Variants in SKI observed in about 807,000 individuals in gnomAD.
SKI encodes SKI proto-oncogene.
A neutral mutation model predicts 59.3 loss-of-function variants in SKI; 23 were observed. The ratio of observed to expected loss-of-function variants is 0.39; its 90% confidence interval spans 0.28 to 0.55. The LOEUF (loss-of-function observed/expected upper bound fraction) is 0.55, where lower values mean the gene tolerates loss of function less well. SKI is among the 20% of genes least tolerant of loss of function. The pLI is 0.67. For missense variants in SKI, 1,017 were observed against 1,038.9 expected, an observed-to-expected ratio of 0.98 and a Z score of 0.29; for synonymous variants, 673 against 488.6, an observed-to-expected ratio of 1.38 and a Z score of -4.98.
chr1:2,229,549 G>A lies in SKI; in HGVS notation c.783G>A (p.Val261=). ...TGTACCCGCCGCACAAGTTCGTGGT[G>A]CACTCGCACAAGGCCCTGGAGAACC... ...RLMYPPHKFV[V]HSHKALENRT... The change falls in exon 1 of 7, where the codon GTG becomes GTA. Residue 261 remains valine, a synonymous_variant. Coordinates refer to ENST00000378536, the MANE Select transcript of SKI (RefSeq NM_003036.4). This position sits in a 1 kb window ranked among gnomAD's most constrained non-coding sequence, Gnocchi z 6.3. The A allele has an allele frequency of 6.2e-7, 1 of 1,611,358 alleles. No individual in the cohort carries two copies. The highest frequency in any genetic ancestry group is 8.5e-7 in the Non-Finnish European group (1 of 1,179,940).
At chr1:2,297,361 C>T (rs183409241) in intron 1 of SKI, among the ~76,000 whole-genome samples, 4 of 152,358 alleles carry the variant, frequency 2.6e-5, no homozygotes, top group Admixed American at 6.5e-5. Context: ...CAGAGTGTTG[C>T]TGGGCCATGT....
Position 2,306,689 on chromosome 1 carries a change from A to T in SKI, c.2111A>T (p.Glu704Val). The T allele has an allele frequency of 6.5e-7, 1 of 1,544,084 alleles. No homozygotes were observed. The highest frequency in any genetic ancestry group is 8.7e-7 in the Non-Finnish European group (1 of 1,144,998). ...GAGCACCTGGAGAAGGTGGTGAAGG[A>T]GCTGCAGGAACAGCTGTGGCCGCGG... ...AREHLEKVVK[E>V]LQEQLWPRAR... The change falls in exon 7 of 7, where the codon GAG (glutamate) becomes GTG (valine). Residue 704 changes from glutamate to valine, a missense_variant. Transcript: ENST00000378536.
intron 1 of SKI, among the ~76,000 whole-genome samples, chr1:2,255,122 A>G (rs575498115): frequency 6.6e-6 from 1 of 152,164 alleles, no homozygotes; most frequent in African/African-American, 2.4e-5. Context: ...TGGCATACCA[A>G]AAGCTGAATG....
intron 1 of SKI, among the ~76,000 whole-genome samples, chr1:2,273,554 AC>A (rs1223711301): frequency 6.6e-6 from 1 of 151,980 alleles, no homozygotes; most frequent in Non-Finnish European, 1.5e-5. Context: ...GACACCCGTG[AC>A]CCTGCCTGGG....
At position 2,303,772 on chromosome 1, in the gene SKI, G is replaced by C; in HGVS notation, c.1212-68G>C. 6.3e-7 allele frequency: 1 copy of C among 1,581,888 alleles called. No individual in the cohort carries two copies. The highest frequency in any genetic ancestry group is 8.6e-7 in the Non-Finnish European group (1 of 1,161,942). Reference sequence around the variant, plus strand: ...TGTTTAACACCTTCAGAGGGGGTGTGCGCCAGGATGTGTCTGGGTGGTGCT... The same window carrying C: ...TGTTTAACACCTTCAGAGGGGGTGTCCGCCAGGATGTGTCTGGGTGGTGCT... On this transcript the variant is annotated intron_variant, in intron 3 of 6. Transcript: ENST00000378536. This position sits in a 1 kb window ranked among gnomAD's most constrained non-coding sequence, Gnocchi z 5.6.
intron 1 of SKI, among the ~76,000 whole-genome samples, chr1:2,285,379 G>C (rs993136047): frequency 6.6e-6 from 1 of 151,876 alleles, no homozygotes; most frequent in African/African-American, 2.4e-5. Flanking sequence ...GCTGAGCGTG[G>C]TGGCGGGTGC....
At chr1:2,237,030 G>T (rs1344160268) in intron 1 of SKI, among the ~76,000 whole-genome samples, 1 of 152,192 alleles carries the variant, frequency 6.6e-6, no homozygotes, top group Non-Finnish European at 1.5e-5. Context: ...CCCAAATCAG[G>T]GATCTTTCTC....
chr1:2,239,742 G>C (rs1192468308), intron 1 of SKI, among the ~76,000 whole-genome samples: 1 of 152,252 alleles, frequency 6.6e-6, no homozygotes, highest in Non-Finnish European at 1.5e-5. Flanking sequence ...CCTGGCCAAC[G>C]GGAGGCTTCT....
At chr1:2,280,424 C>G (rs1459569014) in intron 1 of SKI, among the ~76,000 whole-genome samples, 1 of 151,908 alleles carries the variant, frequency 6.6e-6, no homozygotes, top group East Asian at 1.9e-4. Context: ...GGGGGCTGCC[C>G]CTTCTACCCT....
chr1:2,251,339 T>C (rs974623825), intron 1 of SKI, among the ~76,000 whole-genome samples: 6 of 152,040 alleles, frequency 3.9e-5, no homozygotes, highest in Admixed American at 2.0e-4. Flanking sequence ...CCCAGGCTGG[T>C]CGTGAATTCC....
chr1:2,287,713 C>T (rs1363733556), intron 1 of SKI, among the ~76,000 whole-genome samples: 5 of 152,004 alleles, frequency 3.3e-5, no homozygotes, highest in Non-Finnish European at 5.9e-5. Flanking sequence ...CTGTGTGGGG[C>T]GTGGGGGTGG....
In SKI at chr1:2,303,731, C is replaced by G. The variant is rs1471587390; in HGVS notation, c.1212-109C>G. 13 of 1,410,916 alleles carry G rather than the reference C, an allele frequency of 9.2e-6. No individual in the cohort carries two copies. The highest frequency in any genetic ancestry group is 1.2e-5 in the Non-Finnish European group (12 of 1,025,198). The allele number at this position is 1,410,916 out of a possible 1,614,324, so 87.4% of individuals were successfully genotyped here. On this transcript the variant is annotated intron_variant, in intron 3 of 6. Transcript: ENST00000378536. The surrounding 1 kb of genome is among the most constrained non-coding windows in gnomAD (Gnocchi z 5.6). ...GTAAGCTTGACTTGAAGATTCGGAGCTGGGAAAGTCTTTCCTGTTTAACAC... is the reference window on the plus strand; with the variant it reads ...GTAAGCTTGACTTGAAGATTCGGAGGTGGGAAAGTCTTTCCTGTTTAACAC...
In SKI at chr1:2,306,143, A is replaced by G; in HGVS notation, c.1891A>G (p.Asn631Asp). 6.3e-7 allele frequency: 1 copy of G among 1,595,644 alleles called. No individual in the cohort carries two copies. The highest frequency in any genetic ancestry group is 2.3e-5 in the East Asian group (1 of 44,178). ...AENEKKMKEA[N>D]ESRLRLKREL... ...GAACGAGAAGAAGATGAAAGAGGCC[A>G]ACGAGTCACGGCTGCGCCTGAAGCG... is the stretch of plus-strand genomic sequence containing the variant. The change falls in exon 6 of 7, where the codon AAC (asparagine) becomes GAC (aspartate). Residue 631 changes from asparagine (N) to aspartate (D), a missense_variant. Transcript: ENST00000378536.
rs1438862097 is a variant in SKI at position 2,306,849 on chromosome 1, C to T, written c.*84C>T. 3.2e-6 allele frequency: 3 copies of T among 946,200 alleles called. No individual in the cohort carries two copies. The highest frequency in any genetic ancestry group is 4.3e-5 in the East Asian group (1 of 23,448). 58.6% of individuals were successfully genotyped at this position (946,200 alleles called of 1,614,324 possible). On this transcript the variant is annotated 3_prime_UTR_variant, in exon 7 of 7. Coordinates refer to ENST00000378536, the MANE Select transcript of SKI (RefSeq NM_003036.4). ...GCGGTGCAGCTCCGCCCGGCTCCGC[C>T]CCTGCAGCCCACACAGCACAACGTC...
intron 1 of SKI, among the ~76,000 whole-genome samples, chr1:2,257,625 C>T (rs1378601680): frequency 1.3e-5 from 2 of 152,252 alleles, no homozygotes; most frequent in Non-Finnish European, 2.9e-5. Flanking sequence ...AGCGATGTTG[C>T]TCTTCCGTCT....
intron 1 of SKI, among the ~76,000 whole-genome samples, chr1:2,246,691 TG>T (rs1384810890): frequency 6.6e-6 from 1 of 151,972 alleles, no homozygotes; most frequent in African/African-American, 2.4e-5. Flanking sequence ...AGGGCTTCTG[TG>T]TGATGAAGAG....
chr1:2,283,394 A>G (rs962821079), intron 1 of SKI, among the ~76,000 whole-genome samples: 3 of 152,116 alleles, frequency 2.0e-5, no homozygotes, highest in African/African-American at 4.8e-5. Context: ...CTCTGTGAAA[A>G]TGGGGGTGAG....
intron 1 of SKI, among the ~76,000 whole-genome samples, chr1:2,251,894 G>A (rs570790047): frequency 1.3e-5 from 2 of 152,320 alleles, no homozygotes; most frequent in South Asian, 2.1e-4. Context: ...TTGGCTCCGG[G>A]CACAGCGTGG....
chr1:2,288,410 CTG>C (rs1426772040), intron 1 of SKI, among the ~76,000 whole-genome samples: 1 of 152,252 alleles, frequency 6.6e-6, no homozygotes, highest in Non-Finnish European at 1.5e-5. Context: ...GCATGAGCCA[CTG>C]TGCCCAGCAG....
Sources: allele counts gnomAD v4.1 joint callset (sites outside exome capture counted in the v4.1 genomes callset), GRCh38; gene constraint gnomAD v4.1.1; non-coding constraint Gnocchi (gnomAD v3.1); transcripts MANE v1.5; gene names NCBI Gene and HGNC (gene_info 2026-07-23, HGNC 2026-07-21).